TSSK4: variants seen among roughly 807,000 people sequenced by gnomAD.
TSSK4 encodes testis specific serine kinase 4.
A neutral mutation model predicts 28.5 loss-of-function variants in TSSK4; 22 were observed. The ratio of observed to expected loss-of-function variants is 0.77; its 90% confidence interval spans 0.55 to 1.10. The LOEUF (loss-of-function observed/expected upper bound fraction) is 1.10, where lower values mean the gene tolerates loss of function less well. Ranked by LOEUF, TSSK4 falls within the 50% of genes least tolerant of loss-of-function variation. The probability of loss-of-function intolerance (pLI) is 0.00; values close to 1 mark genes in which losing one functional copy is unlikely to be tolerated. For missense variants in TSSK4, 329 were observed against 415.4 expected, an observed-to-expected ratio of 0.79 and a Z score of 1.81; for synonymous variants, 151 against 158.3, an observed-to-expected ratio of 0.95 and a Z score of 0.35.
rs1486296414 is a variant in TSSK4 at position 24,208,097 on chromosome 14, A to C, written c.968A>C (p.Gln323Pro). The C allele has an allele frequency of 1.2e-6, 2 of 1,613,996 alleles. No individual in the cohort carries two copies. Among genetic ancestry groups the C allele is most frequent in the Non-Finnish European group, 1.7e-6 (2 of 1,179,984 alleles). The change falls in exon 4 of 4, where the codon CAG becomes CCG. Residue 323 changes from glutamine (Q) to proline (P), a missense_variant. By Grantham distance (76) the Gln-to-Pro change is moderately conservative. Around this residue, in one of 3 missense-constraint regions of TSSK4, gnomAD observed 139 missense variants for 178.1 expected, o/e 0.78. Transcript: ENST00000339917. Reference sequence around the variant, plus strand: ...ATCAGGCTGCTTGAGGCCATGTGCCAGCTCCACAACACCACTAAACAGCAC... The same window carrying C: ...ATCAGGCTGCTTGAGGCCATGTGCCCGCTCCACAACACCACTAAACAGCAC... ...HEIRLLEAMC[Q>P]LHNTTKQHQS...
chr14:24,206,029 T>C lies in TSSK4; in HGVS notation c.106T>C (p.Tyr36His). The change falls in exon 1 of 4, where the codon TAT becomes CAT. Residue 36 changes from tyrosine to histidine, a missense_variant. By Grantham distance (83) the Tyr-to-His change is moderately conservative. Coordinates refer to ENST00000339917, the MANE Select transcript of TSSK4 (RefSeq NM_001184739.2). ...GGGCAAGGCCATTGGCCATGGCTCCTATGGGTCGGTATATGAGGCTTTCTA... is the reference window on the plus strand; with the variant it reads ...GGGCAAGGCCATTGGCCATGGCTCCCATGGGTCGGTATATGAGGCTTTCTA... ...EVGKAIGHGS[Y>H]GSVYEAFYTK... 1 of 1,614,228 alleles carries C rather than the reference T, an allele frequency of 6.2e-7. No individual in the cohort carries two copies. Among genetic ancestry groups the C allele is most frequent in the Non-Finnish European group, 8.5e-7 (1 of 1,180,042 alleles).
chr14:24,207,609 G>A, intron 3 of TSSK4, 100 bp downstream of exon 3: 1 of 1,367,558 alleles, frequency 7.3e-7, no homozygotes, highest in South Asian at 1.4e-5. Flanking sequence ...CAACCCTGGG[G>A]AAAGGCTCTT....
chr14:24,206,065 A>G lies in TSSK4; in HGVS notation c.142A>G (p.Lys48Glu), dbSNP rs748850454. 6.2e-7 allele frequency: 1 copy of G among 1,614,142 alleles called. No homozygotes were observed. Among genetic ancestry groups the G allele is most frequent in the South Asian group, 1.1e-5 (1 of 91,084 alleles). Residue 48 changes from lysine (K) to glutamate (E), a missense_variant, in exon 1 of 4, where the codon AAG becomes GAG. By Grantham distance (56) the Lys-to-Glu change is moderately conservative. Coordinates refer to ENST00000339917, the MANE Select transcript of TSSK4 (RefSeq NM_001184739.2). ...SVYEAFYTKQKVMVAVKIISK... is the reference protein window; with the variant it reads ...SVYEAFYTKQEVMVAVKIISK... ...ATATGAGGCTTTCTACACAAAGCAG[A>G]AGGTTATGGTGGCAGTCAAGATCAT...
rs1249734076 is a variant in TSSK4, at chr14:24,208,071, G to T, written c.942G>T (p.Glu314Asp). 1 of 1,614,088 alleles carries T rather than the reference G, an allele frequency of 6.2e-7. No individual in the cohort carries two copies. Among genetic ancestry groups the T allele is most frequent in the African/African-American group, 1.3e-5 (1 of 74,922 alleles). Residue 314 changes from glutamate (E) to aspartate (D), a missense_variant, in exon 4 of 4, where the codon GAG becomes GAT. Glu to Asp is a conservative substitution (Grantham distance 45). Transcript: ENST00000339917. ...TCCAGCCTGAGCAACCCACCCATGA[G>T]ATCAGGCTGCTTGAGGCCATGTGCC... ...LKFQPEQPTH[E>D]IRLLEAMCQL...
rs2039510265 is a variant in TSSK4 at position 24,205,996 on chromosome 14, T to A, written c.73T>A (p.Tyr25Asn). ...AYHSLMDEYG[Y>N]EVGKAIGHGS... ...CCATTCCCTCATGGATGAATATGGT[T>A]ATGAGGTGGGCAAGGCCATTGGCCA... Residue 25 changes from tyrosine (Y) to asparagine (N), a missense_variant, in exon 1 of 4, where the codon TAT becomes AAT. Tyr to Asn is a moderately radical substitution (Grantham distance 143, BLOSUM62 -2). Around this residue, in one of 3 missense-constraint regions of TSSK4, gnomAD observed 175 missense variants for 196.0 expected, o/e 0.89. Transcript: ENST00000339917. The A allele has an allele frequency of 2.5e-6, 4 of 1,614,098 alleles. No homozygotes were observed. Among genetic ancestry groups the A allele is most frequent in the African/African-American group, 1.3e-5 (1 of 74,934 alleles).
rs769309885 is a variant in TSSK4, at chr14:24,207,245, T to C, written c.570T>C (p.Gly190=). 6.2e-7 allele frequency: 1 copy of C among 1,614,184 alleles called. No homozygotes were observed. The highest frequency in any genetic ancestry group is 8.5e-7 in the Non-Finnish European group (1 of 1,180,016). ...TGGTGCCTTCTAACCAGCCTGTGGG[T>C]TGTAGCCCTTCTTACCGCCAAGTGA... ...AKMVPSNQPV[G]CSPSYRQVNC... is the part of the protein sequence containing the mutation. The change falls in exon 3 of 4, where the codon GGT becomes GGC. Residue 190 remains glycine (G), a synonymous_variant. Coordinates refer to ENST00000339917, the MANE Select transcript of TSSK4 (RefSeq NM_001184739.2).
chr14:24,206,768 GT>G (rs749828962), intron 2 of TSSK4, 45 bp downstream of exon 2: 1 of 1,598,584 alleles, frequency 6.3e-7, no homozygotes, highest in African/African-American at 1.3e-5. Context: ...CCTCAAGGGG[GT>G]TTTATGCACA....
At chr14:24,207,049 G>T (rs749055706) in intron 2 of TSSK4, 67 bp from the exon 3 acceptor site, 30 of 1,591,170 alleles carry the variant, frequency 1.9e-5, no homozygotes, top group Non-Finnish European at 2.6e-5. Flanking sequence ...CACTTCCTCT[G>T]TCCTCATCTT....
Position 24,207,114 on chromosome 14 carries a change from A to G in TSSK4, c.441-2A>G, listed in dbSNP as rs757656042. On this transcript the variant is annotated splice_acceptor_variant, in intron 2 of 3. Transcript: ENST00000339917. LOFTEE classifies it high-confidence loss of function. ...CAGTCTAAAACTAAGCCCTCTCCCC[A>G]GCCTGATGCCCAGCCTTTCTGCTGC... is the stretch of plus-strand genomic sequence containing the variant. 1 of 1,604,880 alleles carries G rather than the reference A, an allele frequency of 6.2e-7. No individual in the cohort carries two copies. The highest frequency in any genetic ancestry group is 8.5e-7 in the Non-Finnish European group (1 of 1,179,958).
Position 24,207,321 on chromosome 14 carries a change from T to G in TSSK4, c.646T>G (p.Cys216Gly). The G allele has an allele frequency of 6.2e-7, 1 of 1,614,216 alleles. No homozygotes were observed. Among genetic ancestry groups the G allele is most frequent in the South Asian group, 1.1e-5 (1 of 91,082 alleles). Residue 216 changes from cysteine to glycine, a missense_variant, in exon 3 of 4, where the codon TGC (cysteine) becomes GGC (glycine). Cys to Gly is a radical substitution (Grantham distance 159). This residue lies in a region of TSSK4 where 139 missense variants were observed against 178.1 expected (regional missense o/e 0.78). Transcript: ENST00000339917. ...QTYCGSFAYACPEILRGLPYN... is the reference protein window; with the variant it reads ...QTYCGSFAYAGPEILRGLPYN... ...TTACTGTGGCAGCTTTGCTTACGCT[T>G]GCCCAGAGATCTTACGAGGCTTGCC...
In TSSK4 at chr14:24,206,168, G is replaced by A; in HGVS notation, c.225+20G>A. The A allele has an allele frequency of 1.2e-6, 2 of 1,610,196 alleles. No individual in the cohort carries two copies. The highest frequency in any genetic ancestry group is 8.5e-7 in the Non-Finnish European group (1 of 1,176,884). On this transcript the variant is annotated intron_variant, in intron 1 of 3. Coordinates refer to ENST00000339917, the MANE Select transcript of TSSK4 (RefSeq NM_001184739.2). ...ATACAGGTTGGAAAGGGGGCTGGAA[G>A]AGGGAACTGGAGCTTGGTACTAAGC...
chr14:24,207,881 T>G (rs1447210627), intron 3 of TSSK4, 83 bp from the exon 4 acceptor site: 28 of 1,607,942 alleles, frequency 1.7e-5, no homozygotes, highest in Middle Eastern at 1.7e-4. Context: ...GCTATCCTGC[T>G]TCTTTCTTAG....
chr14:24,206,886 C>A, intron 2 of TSSK4, 163 bp downstream of exon 2: 1 of 982,434 alleles, frequency 1.0e-6, no homozygotes, highest in Non-Finnish European at 1.6e-6. Flanking sequence ...ATAAAGTACT[C>A]ACTGTATGCA....
intron 1 of TSSK4, 88 bp from the exon 2 acceptor site, chr14:24,206,421 T>C (rs2039517161): frequency 1.4e-6 from 2 of 1,418,974 alleles, no homozygotes; most frequent in Admixed American, 3.4e-5. Context: ...TGCAAAGTCC[T>C]AAGTCAGTAG....
intron 1 of TSSK4, 144 bp downstream of exon 1, chr14:24,206,292 T>C: frequency 1.1e-6 from 1 of 908,200 alleles, no homozygotes; most frequent in South Asian, 1.6e-5. Context: ...GGAAACTTTA[T>C]GTAAGTTAAA....
In TSSK4 at chr14:24,206,525, G is replaced by A. The variant is rs1156895882; in HGVS notation, c.242G>A (p.Arg81Gln). The change falls in exon 2 of 4, where the codon CGG (arginine) becomes CAG (glutamine). Residue 81 changes from arginine (R) to glutamine (Q), a missense_variant. By Grantham distance (43) the Arg-to-Gln change is conservative (BLOSUM62 1). Coordinates refer to ENST00000339917, the MANE Select transcript of TSSK4 (RefSeq NM_001184739.2). The part of the protein sequence containing the change: ...PREIQVMKVL[R>Q]HKYLINFYRA... ...TGGGGTCAGGTAATGAAAGTCTTGC[G>A]GCACAAGTACCTCATCAACTTCTAT... 41 of 1,614,046 alleles carry A rather than the reference G, an allele frequency of 2.5e-5. No homozygotes were observed. The highest frequency in any genetic ancestry group is 1.5e-4 in the Admixed American group (9 of 59,992).
chr14:24,206,496 C>T lies in TSSK4; in HGVS notation c.226-13C>T. On this transcript the variant is annotated splice_polypyrimidine_tract_variant and intron_variant, in intron 1 of 3. Transcript: ENST00000339917. Reference sequence around the variant, plus strand: ...CCCTTCCCAGGTTTGATGGGTCCTTCTTCTGGGGTCAGGTAATGAAAGTCT... The same window carrying T: ...CCCTTCCCAGGTTTGATGGGTCCTTTTTCTGGGGTCAGGTAATGAAAGTCT... The T allele has an allele frequency of 6.2e-7, 1 of 1,614,082 alleles. No individual in the cohort carries two copies. The highest frequency in any genetic ancestry group is 8.5e-7 in the Non-Finnish European group (1 of 1,179,940).
intron 3 of TSSK4, 86 bp downstream of exon 3, chr14:24,207,595 C>G: frequency 6.9e-7 from 1 of 1,440,254 alleles, no homozygotes; most frequent in Non-Finnish European, 9.4e-7. Context: ...CAACCTAGGC[C>G]TCCCAACCCT....
At chr14:24,207,681 A>G (rs1464039088) in intron 3 of TSSK4, among the ~76,000 whole-genome samples, 172 bp downstream of exon 3, 2 of 152,194 alleles carry the variant, frequency 1.3e-5, no homozygotes, top group African/African-American at 4.8e-5. Flanking sequence ...TGGAAGGCAT[A>G]AAGGGCCAAC....
Sources: allele counts gnomAD v4.1 joint callset (sites outside exome capture counted in the v4.1 genomes callset), GRCh38; gene constraint gnomAD v4.1.1; regional missense constraint gnomAD v4.1.1; transcripts MANE v1.5; gene names NCBI Gene and HGNC (gene_info 2026-07-23, HGNC 2026-07-21).